The following C3 variants were observed in gnomAD, a reference collection of about 807,000 sequenced individuals.
C3 encodes the protein C3 and PZP-like alpha-2-macroglobulin domain-containing protein 1.
Under a neutral mutation model 207.9 loss-of-function variants are expected in C3, and 97 were observed. The ratio of observed to expected loss-of-function variants is 0.47; its 90% CI spans 0.40 to 0.55. The LOEUF (loss-of-function observed/expected upper bound fraction) is 0.55, where lower values mean the gene tolerates loss of function less well. Among genes scored for constraint, C3 ranks in the 20% least tolerant of loss-of-function variants. The pLI, the probability that C3 is intolerant of heterozygous loss-of-function variation, is 0.00. For missense variants in C3, 1,684 were observed against 2,171.7 expected (o/e 0.78, Z 4.46); for synonymous variants, 848 against 857.6 (o/e 0.99, Z 0.20).
chr19:6,714,477 T>C, intron 4 of C3, 31 bp from the exon 5 acceptor site: 1 of 1,532,350 alleles, frequency 6.5e-7, no homozygotes, highest in Non-Finnish European at 9.0e-7. Flanking sequence ...GGATAGAGGA[T>C]AAAGTGGCTC....
Position 6,711,172 on chromosome 19 carries a change from A to G in C3, c.1294T>C (p.Ser432Pro), listed in dbSNP as rs146158711. ...GTCCTGGTAGCCTGCTCTGCCTCCGAGAGCTCCTGCTTCTTCGTGCGCACC... is the reference window on the plus strand; with the variant it reads ...GTCCTGGTAGCCTGCTCTGCCTCCGGGAGCTCCTGCTTCTTCGTGCGCACC... The part of the protein sequence containing the change: ...ITVRTKKQEL[S>P]EAEQATRTMQ... Residue 432 changes from serine (S) to proline (P), a missense_variant, in exon 12 of 41, where the codon TCG (serine) becomes CCG (proline). Ser to Pro is a moderately conservative substitution (Grantham distance 74, BLOSUM62 -1). Coordinates refer to ENST00000245907, the MANE Select transcript of C3 (RefSeq NM_000064.4). 1.9e-6 allele frequency: 3 copies of G among 1,613,470 alleles called. No individual in the cohort carries two copies. In the African/African-American group the frequency reaches 4.0e-5, roughly 22 times the overall value.
chr19:6,700,416 ATATG>A lies in C3; in HGVS notation c.2440+1707_2440+1710del, dbSNP rs1295334558. 1.3e-4 allele frequency among the ~76,000 whole-genome samples: 2 copies of A among 15,730 alleles called. 1 individual carries two copies. The highest frequency in any genetic ancestry group is 1.9e-4 in the Non-Finnish European group (2 of 10,498). The allele number at this position is 15,730 out of a possible 152,430, so 10.3% of individuals were successfully genotyped here. A position where few individuals can be genotyped will look rare whatever the true frequency, so the allele number is the denominator to read the frequency against. ...ATATATATGTAATATGATATATTAT[ATATG>A]TAATATATGATATATGTAATATGAT... On this transcript the variant is annotated intron_variant, in intron 19 of 40. Transcript: ENST00000245907.
intron 29 of C3, 36 bp downstream of exon 29, chr19:6,686,088 G>A (rs767505998): frequency 1.9e-6 from 3 of 1,609,524 alleles, no homozygotes; most frequent in East Asian, 2.2e-5. Context: ...GCAGGAGACA[G>A]GGATGCATGT....
Position 6,690,685 on chromosome 19 carries a change from C to G in C3, c.3433G>C (p.Ala1145Pro). 6.2e-7 allele frequency: 1 copy of G among 1,614,224 alleles called. No homozygotes were observed. The highest frequency in any genetic ancestry group is 8.5e-7 in the Non-Finnish European group (1 of 1,180,030). The change falls in exon 27 of 41, where the codon GCC (alanine) becomes CCC (proline). Residue 1145 changes from alanine (A) to proline (P), a missense_variant. Physicochemically the swap from Ala to Pro is conservative, Grantham distance 27. Coordinates refer to ENST00000245907, the MANE Select transcript of C3 (RefSeq NM_000064.4). Reference sequence around the variant, plus strand: ...TCCTGCAGCGAGATGAGAACAAAGGCCGTGAGGGCCATGTCTTTCTCGTTG... The same window carrying G: ...TCCTGCAGCGAGATGAGAACAAAGGGCGTGAGGGCCATGTCTTTCTCGTTG... Reference protein sequence around the residue: ...NNNEKDMALTAFVLISLQEAK... With the variant: ...NNNEKDMALTPFVLISLQEAK...
intron 4 of C3, 82 bp downstream of exon 4, chr19:6,718,012 T>A: frequency 7.4e-7 from 1 of 1,357,066 alleles, no homozygotes. Context: ...CCTTCCGGTG[T>A]GTCTTTCTCT....
intron 14 of C3, among the ~76,000 whole-genome samples, chr19:6,708,689 C>CTTTTTTTTTTTTT: frequency 7.9e-6 from 1 of 126,040 alleles, no homozygotes; most frequent in African/African-American, 3.0e-5. Context: ...TCTTTCCATT[C>CTTTTTTTTTTTTT]TTTTTTTTTT....
intron 21 of C3, 112 bp downstream of exon 21, chr19:6,697,232 G>T: frequency 1.2e-6 from 1 of 831,352 alleles, no homozygotes; most frequent in Non-Finnish European, 2.0e-6. Context: ...TCCTAAGCTG[G>T]ACACTATGAT....
chr19:6,714,806 G>C (rs754561482), intron 4 of C3, among the ~76,000 whole-genome samples: 29 of 152,340 alleles, frequency 1.9e-4, no homozygotes, highest in Middle Eastern at 3.4e-3. Flanking sequence ...AGATTGCAGA[G>C]AGCCAAGATC....
intron 12 of C3, 69 bp from the exon 13 acceptor site, chr19:6,710,914 G>T: frequency 1.9e-6 from 3 of 1,599,296 alleles, no homozygotes; most frequent in South Asian, 1.1e-5. Flanking sequence ...GATCCGGGAT[G>T]GGGGAAGGAG....
chr19:6,718,419 G>A lies in C3; in HGVS notation c.268-7C>T, dbSNP rs776842551. The A allele has an allele frequency of 9.9e-6, 16 of 1,614,064 alleles. No homozygotes were observed. Among genetic ancestry groups the A allele is most frequent in the African/African-American group, 2.7e-5 (2 of 74,944 alleles). On this transcript the variant is annotated splice_polypyrimidine_tract_variant and splice_region_variant and intron_variant, in intron 2 of 40. Transcript: ENST00000245907. ...ACTCCCTGTTGGCTGGGATCTAGGC[G>A]TGGGCAGGGCATTGTCAGGGGTCTG...
chr19:6,700,178 GT>G (rs1967613897), intron 19 of C3, among the ~76,000 whole-genome samples: 1 of 136,942 alleles, frequency 7.3e-6, no homozygotes, highest in Non-Finnish European at 1.5e-5. Flanking sequence ...CATATTATAT[GT>G]TTACATAATA....
chr19:6,699,333 G>C (rs11666563), intron 19 of C3, among the ~76,000 whole-genome samples: 116,137 of 150,564 alleles, frequency 0.77, 44,832 homozygotes, highest in East Asian at 0.91. Flanking sequence ...CTCAGCCTCT[G>C]AAAGTAATGG....
At chr19:6,696,559 A>G in intron 22 of C3, 34 bp downstream of exon 22, 1 of 1,608,124 alleles carries the variant, frequency 6.2e-7, no homozygotes, top group Non-Finnish European at 8.5e-7. Context: ...TTACCCTGCC[A>G]GCCCCTCAGC....
rs192458238 is a variant in C3, at chr19:6,713,069, T to C, written c.1003+120A>G. ...TCAGACTGGGCCTACCCCATCAGAC[T>C]GAACCCCACTTTCACTCTGAGCCTC... On this transcript the variant is annotated intron_variant, in intron 9 of 40. Transcript: ENST00000245907. The C allele has an allele frequency of 1.9e-3, 2,328 of 1,252,242 alleles. 7 individuals carry two copies. The Middle Eastern group carries it at 0.022, about 12-fold the overall frequency. 77.6% of individuals were successfully genotyped at this position (1,252,242 alleles called of 1,614,324 possible).
At chr19:6,715,710 C>A (rs1968018961) in intron 4 of C3, among the ~76,000 whole-genome samples, 1 of 151,370 alleles carries the variant, frequency 6.6e-6, no homozygotes, top group African/African-American at 2.4e-5. Flanking sequence ...CAGGCTCCGC[C>A]TCCCGGGTTC....
At position 6,719,216 on chromosome 19, in the gene C3, A is replaced by G. The variant is rs1568229616; in HGVS notation, c.262T>C (p.Phe88Leu). 6.2e-7 allele frequency: 1 copy of G among 1,613,516 alleles called. No individual in the cohort carries two copies. ...CTGCGCCAGTCTGCACTCACCGTGA[A>G]GGTGACGTTGCCCATGTGGTTGGTG... ...PATNHMGNVT[F>L]TIPANREFKS... The change falls in exon 2 of 41, where the codon TTC becomes CTC. Residue 88 changes from phenylalanine (F) to leucine (L), a missense_variant. By Grantham distance (22) the Phe-to-Leu change is conservative. Coordinates refer to ENST00000245907, the MANE Select transcript of C3 (RefSeq NM_000064.4). This position sits in a 1 kb window ranked among gnomAD's most constrained non-coding sequence, Gnocchi z 5.4.
intron 35 of C3, among the ~76,000 whole-genome samples, chr19:6,681,375 CATA>C (rs1467031265): frequency 8.0e-6 from 1 of 125,582 alleles, no homozygotes; most frequent in Non-Finnish European, 1.7e-5. Flanking sequence ...GGTACAAAAG[CATA>C]ATATTTATGA....
chr19:6,708,137 T>A (rs200318540), intron 14 of C3, among the ~76,000 whole-genome samples: 1 of 15,000 alleles, frequency 6.7e-5, no homozygotes, highest in African/African-American at 4.1e-4. Flanking sequence ...TTTCTCACTC[T>A]CTCTCTTTCT....
chr19:6,694,653 G>A lies in C3; in HGVS notation c.2951-19C>T, dbSNP rs1379446631. 3 of 1,606,800 alleles carry A rather than the reference G, an allele frequency of 1.9e-6. No homozygotes were observed. The highest frequency in any genetic ancestry group is 1.7e-4 in the Middle Eastern group (1 of 6,054). ...GGGGTCCCTGCAGCAGGTGGGAAGA[G>A]GACGTTGCTCAAGCCAGGTGGGTGA... On this transcript the variant is annotated intron_variant, in intron 23 of 40. Transcript: ENST00000245907.
Sources: gnomAD v4.1 joint callset for allele counts (sites outside exome capture counted in the v4.1 genomes callset) on GRCh38, gnomAD v4.1.1 for gene constraint, Gnocchi (gnomAD v3.1) non-coding constraint, MANE v1.5 for transcripts, NCBI Gene and HGNC (gene_info 2026-07-23, HGNC 2026-07-21) for gene names.